Variants in GPC3 observed in about 807,000 individuals in gnomAD.
GPC3 encodes the protein glypican 3.
A neutral mutation model predicts 34.4 loss-of-function variants in GPC3; 3 were observed. That is an observed-to-expected ratio of 0.09 (90% CI 0.04 to 0.23). The LOEUF is 0.23. Ranked by LOEUF, GPC3 falls within the 10% of genes least tolerant of loss-of-function variation. The pLI is 1.00. For missense variants in GPC3, 351 were observed against 445.6 expected, an observed-to-expected ratio of 0.79 and a Z score of 1.91; for synonymous variants, 177 against 174.0, an observed-to-expected ratio of 1.02 and a Z score of -0.13.
At chrX:133,595,663 G>A (rs974781099) in intron 7 of GPC3, among the ~76,000 whole-genome samples, 1 of 110,650 alleles carries the variant, frequency 9.0e-6, no homozygotes, top group African/African-American at 3.3e-5. Flanking sequence ...GACAATAGGC[G>A]TACCACCACA....
chrX:133,668,630 A>G (rs1212812866), intron 5 of GPC3, among the ~76,000 whole-genome samples: 1 of 110,235 alleles, frequency 9.1e-6, no homozygotes, highest in Non-Finnish European at 1.9e-5. Context: ...TCTCTGTGCC[A>G]GATACTGTTC....
intron 2 of GPC3, among the ~76,000 whole-genome samples, chrX:133,919,818 T>C (rs2076240029): frequency 9.5e-6 from 1 of 105,093 alleles, no homozygotes; most frequent in South Asian, 4.5e-4. Flanking sequence ...CTCCAGCCTA[T>C]GTGACAGAGC....
chrX:133,827,475 C>T (rs1027517890), intron 2 of GPC3, among the ~76,000 whole-genome samples: 5 of 111,229 alleles, frequency 4.5e-5, no homozygotes, highest in African/African-American at 6.5e-5. Context: ...AGGGAGTAAC[C>T]GTGCTATATA....
At chrX:133,658,883 G>A (rs2070692963) in intron 6 of GPC3, among the ~76,000 whole-genome samples, 1 of 108,953 alleles carries the variant, frequency 9.2e-6, no homozygotes, top group African/African-American at 3.6e-5. Context: ...TTAGAGGAGA[G>A]GAAAAGAAGG....
At chrX:133,651,483 C>T (rs2070602404) in intron 6 of GPC3, among the ~76,000 whole-genome samples, 1 of 111,679 alleles carries the variant, frequency 9.0e-6, no homozygotes. Context: ...AGTTGGATTT[C>T]CCCTATCATG....
At chrX:133,958,290 C>T (rs1282702769) in intron 1 of GPC3, among the ~76,000 whole-genome samples, 1 of 111,799 alleles carries the variant, frequency 8.9e-6, no homozygotes, top group Non-Finnish European at 1.9e-5. Context: ...CCTGTAATCC[C>T]AGCACTTTGG....
chrX:133,867,541 A>G (rs1258242785), intron 2 of GPC3, among the ~76,000 whole-genome samples: 1 of 109,209 alleles, frequency 9.2e-6, no homozygotes, highest in African/African-American at 3.3e-5. Context: ...GCTGGAGGGC[A>G]GGCTTCTATC....
intron 6 of GPC3, among the ~76,000 whole-genome samples, chrX:133,640,965 A>G (rs1333781184): frequency 9.0e-6 from 1 of 111,241 alleles, no homozygotes; most frequent in African/African-American, 3.3e-5. Context: ...CAGAGGAAAA[A>G]AAATCAGTTG....
At chrX:133,548,963 T>G (rs1256037939) in intron 7 of GPC3, among the ~76,000 whole-genome samples, 1 of 111,776 alleles carries the variant, frequency 8.9e-6, no homozygotes, top group African/African-American at 3.3e-5. Context: ...CTTTTCTTTT[T>G]GTAAATTGCC....
chrX:133,899,177 T>C (rs2076133390), intron 2 of GPC3, among the ~76,000 whole-genome samples: 1 of 112,387 alleles, frequency 8.9e-6, no homozygotes, highest in Non-Finnish European at 1.9e-5. Flanking sequence ...TTTGTCTCTG[T>C]AAATGAAGTA....
chrX:133,692,164 C>T (rs1219770321), intron 5 of GPC3, among the ~76,000 whole-genome samples: 2 of 112,406 alleles, frequency 1.8e-5, no homozygotes, highest in Non-Finnish European at 3.8e-5. Context: ...AGGCTGGTCT[C>T]GAACTCCTGA....
At chrX:133,596,861 A>T (rs1408102456) in intron 6 of GPC3, among the ~76,000 whole-genome samples, 1 of 111,369 alleles carries the variant, frequency 9.0e-6, no homozygotes, top group African/African-American at 3.3e-5. Flanking sequence ...ATTGCATTAG[A>T]TCTTCTCATA....
intron 2 of GPC3, among the ~76,000 whole-genome samples, chrX:133,855,586 C>T (rs193202080): frequency 9.6e-6 from 1 of 103,887 alleles, no homozygotes; most frequent in East Asian, 3.0e-4. Flanking sequence ...ATTAACATCT[C>T]TATCGTCTCA....
At chrX:133,646,586 C>A (rs1039427689) in intron 6 of GPC3, among the ~76,000 whole-genome samples, 1 of 112,076 alleles carries the variant, frequency 8.9e-6, no homozygotes, top group African/African-American at 3.2e-5. Flanking sequence ...AATAGAAATA[C>A]GCACATGAAT....
At chrX:133,703,379 G>A (rs1224136430) in intron 3 of GPC3, among the ~76,000 whole-genome samples, 1 of 110,926 alleles carries the variant, frequency 9.0e-6, no homozygotes, top group Non-Finnish European at 1.9e-5. Flanking sequence ...TTTTGACAAG[G>A]AAAGCAATAG....
At chrX:133,648,823 CA>C (rs2070569421) in intron 6 of GPC3, among the ~76,000 whole-genome samples, 1 of 112,268 alleles carries the variant, frequency 8.9e-6, no homozygotes, top group Non-Finnish European at 1.9e-5. Flanking sequence ...TCCTTCCTTC[CA>C]ATCTCGATCT....
At chrX:133,537,476 C>G (rs1417724872) in intron 7 of GPC3, among the ~76,000 whole-genome samples, 1 of 111,217 alleles carries the variant, frequency 9.0e-6, no homozygotes, top group Non-Finnish European at 1.9e-5. Context: ...AGGAAGAAAG[C>G]GTGGGGACTC....
chrX:133,931,585 T>C (rs1344094631), intron 2 of GPC3, among the ~76,000 whole-genome samples: 1 of 111,649 alleles, frequency 9.0e-6, no homozygotes, highest in Non-Finnish European at 1.9e-5. Context: ...ATGAAGACAA[T>C]GCTACCTATT....
intron 3 of GPC3, among the ~76,000 whole-genome samples, chrX:133,749,233 C>T (rs1474190337): frequency 1.8e-5 from 2 of 112,217 alleles, no homozygotes; most frequent in Non-Finnish European, 3.8e-5. Flanking sequence ...TGCACTCCAG[C>T]CTGGGTGACA....
Sources: allele counts gnomAD v4.1 joint callset (sites outside exome capture counted in the v4.1 genomes callset), GRCh38; gene constraint gnomAD v4.1.1; transcripts MANE v1.5; gene names NCBI Gene and HGNC (gene_info 2026-07-23, HGNC 2026-07-21).